Variants in DCAF8L2 observed in about 807,000 individuals in gnomAD.
The protein encoded by DCAF8L2 is DDB1 and CUL4 associated factor 8 like 2.
For missense variants in DCAF8L2, 430 were observed against 490.7 expected (o/e 0.88, Z 1.17); for synonymous variants, 200 against 190.9 (o/e 1.05, Z -0.39).
At chrX:27,606,315 A>C (rs939287164) in intron 1 of DCAF8L2, among the ~76,000 whole-genome samples, 8 of 71,851 alleles carry the variant, frequency 1.1e-4, no homozygotes, top group African/African-American at 3.2e-4. Flanking sequence ...TTATATATAT[A>C]TAGGAATTAT....
chrX:27,647,791 C>CA (rs1203978163), intron 2 of DCAF8L2, among the ~76,000 whole-genome samples: 1 of 111,214 alleles, frequency 9.0e-6, no homozygotes, highest in Non-Finnish European at 1.9e-5. Flanking sequence ...AACCTCCTGT[C>CA]AGAGGCCAAT....
At chrX:27,587,983 AAAATATAT>A (rs1168224398), upstream of DCAF8L2, among the ~76,000 whole-genome samples, 206 of 25,122 alleles carry the variant, frequency 8.2e-3, no homozygotes, top group South Asian at 0.12. Context: ...ATTAAAAAAA[AAAATATAT>A]ATATATATAT....
At chrX:27,743,500 C>A (rs1303156553) in intron 4 of DCAF8L2, among the ~76,000 whole-genome samples, 1 of 108,767 alleles carries the variant, frequency 9.2e-6, no homozygotes, top group African/African-American at 3.4e-5. Context: ...CGGGTTCAAG[C>A]GATTTTTGTG....
the DCAF8L2 span, among the ~76,000 whole-genome samples, chrX:27,535,721 A>G: frequency 8.9e-6 from 1 of 111,924 alleles, no homozygotes; most frequent in East Asian, 2.8e-4. Context: ...GCATGTATTT[A>G]CTATAAAGCA....
chrX:27,717,920 G>A (rs2147292778), intron 4 of DCAF8L2, among the ~76,000 whole-genome samples: 1 of 111,758 alleles, frequency 8.9e-6, no homozygotes, highest in Admixed American at 9.6e-5. Flanking sequence ...ATTTTCATGA[G>A]AGCATAATTT....
chrX:27,619,004 A>AATCTATCT (rs57635575), intron 1 of DCAF8L2, among the ~76,000 whole-genome samples: 5,715 of 101,587 alleles, frequency 0.056, 177 homozygotes, highest in African/African-American at 0.11. Context: ...ATCTATATCT[A>AATCTATCT]ATCTATCTAT....
At chrX:27,735,841 C>G (rs916987983) in intron 4 of DCAF8L2, among the ~76,000 whole-genome samples, 1 of 111,272 alleles carries the variant, frequency 9.0e-6, no homozygotes. Context: ...TCGGCACCCA[C>G]TAATAGAATC....
At chrX:27,599,695 T>C (rs1269666383) in intron 1 of DCAF8L2, among the ~76,000 whole-genome samples, 1 of 111,163 alleles carries the variant, frequency 9.0e-6, no homozygotes, top group African/African-American at 3.3e-5. Flanking sequence ...GACAGCTCAA[T>C]ACTTGAATTT....
chrX:27,567,793 G>A, the DCAF8L2 span, among the ~76,000 whole-genome samples: 5 of 108,078 alleles, frequency 4.6e-5, no homozygotes, highest in Non-Finnish European at 9.6e-5. Context: ...TGATTTCAAA[G>A]CTAGTTTTGT....
At chrX:27,490,424 G>GT in the DCAF8L2 span, among the ~76,000 whole-genome samples, 1 of 109,800 alleles carries the variant, frequency 9.1e-6, no homozygotes, top group East Asian at 2.9e-4. Flanking sequence ...GGGATTTTAG[G>GT]TTTTTTTGTT....
chrX:27,739,650 C>T (rs927623440), intron 4 of DCAF8L2, among the ~76,000 whole-genome samples: 9 of 111,773 alleles, frequency 8.1e-5, no homozygotes, highest in Admixed American at 7.6e-4. Flanking sequence ...TATCCAATTG[C>T]CAACTCAGTG....
intron 4 of DCAF8L2, among the ~76,000 whole-genome samples, chrX:27,723,035 C>A (rs1203024080): frequency 9.1e-6 from 1 of 110,121 alleles, no homozygotes; most frequent in Non-Finnish European, 1.9e-5. Context: ...GGCAACAGAA[C>A]AGGAAAATAT....
intron 2 of DCAF8L2, among the ~76,000 whole-genome samples, chrX:27,650,337 G>T (rs1446595515): frequency 2.7e-5 from 3 of 111,763 alleles, no homozygotes; most frequent in African/African-American, 9.8e-5. Context: ...TGTGAAAAAT[G>T]ATGTTGGCAG....
chrX:27,599,972 G>C lies in DCAF8L2; in HGVS notation c.-342+9532G>C, dbSNP rs559238270. 2.0e-4 allele frequency among the ~76,000 whole-genome samples: 22 copies of C among 112,059 alleles called. No individual in the cohort carries two copies. The South Asian group carries it at 8.1e-3, about 41-fold the overall frequency. The stretch of plus-strand genomic sequence containing the variant: ...AAGAAAAATCCAAGTTTAAACCTAA[G>C]TATTTAAGATTGGTCGTTTATTCGG... On this transcript the variant is annotated intron_variant, in intron 1 of 4. Transcript: ENST00000451261.
chrX:27,517,991 C>T, the DCAF8L2 span: 1 of 1,156,876 alleles, frequency 8.6e-7, no homozygotes, highest in East Asian at 3.0e-5. Context: ...GGTTATCCTA[C>T]ATGGCTTAAA....
the DCAF8L2 span, among the ~76,000 whole-genome samples, chrX:27,530,017 C>T: frequency 5.4e-5 from 6 of 111,724 alleles, no homozygotes; most frequent in East Asian, 1.1e-3. Context: ...TAGAAGCTTG[C>T]TGATTGTTTT....
the DCAF8L2 span, among the ~76,000 whole-genome samples, chrX:27,575,003 A>G: frequency 0.016 from 1,823 of 111,834 alleles, 44 homozygotes; most frequent in African/African-American, 0.055. Flanking sequence ...GCTATGCCGG[A>G]TGAATCGGAT....
At chrX:27,487,073 C>T in the DCAF8L2 span, among the ~76,000 whole-genome samples, 1 of 111,147 alleles carries the variant, frequency 9.0e-6, no homozygotes, top group African/African-American at 3.3e-5. Flanking sequence ...AAAACAATAG[C>T]GACTCTTCGA....
At chrX:27,688,562 T>C (rs1262871997) in intron 3 of DCAF8L2, among the ~76,000 whole-genome samples, 3 of 107,207 alleles carry the variant, frequency 2.8e-5, no homozygotes, top group African/African-American at 1.1e-4. Context: ...TCTATGATAA[T>C]TATTCAAAAA....
Sources: allele counts gnomAD v4.1 joint callset (sites outside exome capture counted in the v4.1 genomes callset), GRCh38; gene constraint gnomAD v4.1.1; transcripts MANE v1.5; gene names NCBI Gene and HGNC (gene_info 2026-07-23, HGNC 2026-07-21).